RRM1: variants seen among roughly 807,000 people sequenced by gnomAD.
RRM1 encodes ribonucleotide reductase catalytic subunit M1, also known as ribonucleoside-diphosphate reductase large subunit.
RRM1 carries 19 observed loss-of-function variants against 101.5 expected under a neutral mutation model. The observed-to-expected ratio is 0.19, with a 90% CI of 0.13 to 0.27. The LOEUF (loss-of-function observed/expected upper bound fraction) is 0.27, where lower values mean the gene tolerates loss of function less well. Among genes scored for constraint, RRM1 ranks in the 10% least tolerant of loss-of-function variants. The pLI is 1.00. For missense variants in RRM1, 500 were observed against 962.9 expected, an observed-to-expected ratio of 0.52 and a Z score of 6.36; for synonymous variants, 298 against 323.4, an observed-to-expected ratio of 0.92 and a Z score of 0.84.
chr11:4,105,578 CTTTTTT>C (rs55705631), intron 2 of RRM1: 32 of 281,432 alleles, frequency 1.1e-4, no homozygotes, highest in East Asian at 4.1e-4. Flanking sequence ...TTTTTCTTTC[CTTTTTT>C]TTTTTTTTTT....
At chr11:4,123,622 G>A (rs1228059415) in intron 12 of RRM1, among the ~76,000 whole-genome samples, 1 of 152,168 alleles carries the variant, frequency 6.6e-6, no homozygotes, top group African/African-American at 2.4e-5. Flanking sequence ...ACACATCACT[G>A]TAATAACATT....
At chr11:4,136,726 A>G (rs1030209140) in intron 18 of RRM1, among the ~76,000 whole-genome samples, 1 of 89,346 alleles carries the variant, frequency 1.1e-5, no homozygotes, top group Non-Finnish European at 2.5e-5. Flanking sequence ...CCAGCCAGGA[A>G]TGTATTTTTT....
intron 8 of RRM1, 105 bp downstream of exon 8, chr11:4,118,566 T>A: frequency 8.7e-7 from 1 of 1,144,990 alleles, no homozygotes; most frequent in East Asian, 2.4e-5. Context: ...TGGGTCTCTG[T>A]TAAATTACTA....
intron 2 of RRM1, chr11:4,105,513 G>A: frequency 5.2e-6 from 2 of 383,556 alleles, no homozygotes; most frequent in Non-Finnish European, 1.0e-5. Context: ...TTACAGGTGT[G>A]AGCCACTGTG....
chr11:4,124,925 T>TTA (rs2094587227), intron 12 of RRM1, among the ~76,000 whole-genome samples: 1 of 150,338 alleles, frequency 6.7e-6, no homozygotes, highest in Non-Finnish European at 1.5e-5. Context: ...ATTTTATTTT[T>TTA]TTTTTTTTGA....
At chr11:4,116,561 C>G (rs1334049351) in intron 7 of RRM1, among the ~76,000 whole-genome samples, 1 of 152,164 alleles carries the variant, frequency 6.6e-6, no homozygotes, top group East Asian at 1.9e-4. Flanking sequence ...CACTGTACTG[C>G]AGCCTGGGCA....
intron 1 of RRM1, among the ~76,000 whole-genome samples, chr11:4,097,841 G>A (rs1047155721): frequency 6.6e-6 from 1 of 152,200 alleles, no homozygotes; most frequent in Non-Finnish European, 1.5e-5. Flanking sequence ...GCTAAACACT[G>A]TGAGGGCAGT....
In RRM1 at chr11:4,132,554, C is replaced by G; in HGVS notation, c.1905+133C>G. ...CTTTGATAAAGACAGTCATCTTCAT[C>G]TCTAATATTATTATTTGTTATTAAT... On this transcript the variant is annotated intron_variant, in intron 16 of 18. Coordinates refer to ENST00000300738, the MANE Select transcript of RRM1 (RefSeq NM_001033.5). This position sits in a 1 kb window ranked among gnomAD's most constrained non-coding sequence, Gnocchi z 4.1. The G allele has an allele frequency of 1.3e-6, 1 of 759,190 alleles. No individual in the cohort carries two copies. Among genetic ancestry groups the G allele is most frequent in the Non-Finnish European group, 2.1e-6 (1 of 467,338 alleles). 47.0% of individuals were successfully genotyped at this position (759,190 alleles called of 1,614,324 possible).
intron 4 of RRM1, 37 bp from the exon 5 acceptor site, chr11:4,109,602 ATTATT>A (rs757959581): frequency 6.6e-7 from 1 of 1,507,496 alleles, no homozygotes; most frequent in Admixed American, 1.9e-5. Context: ...AAAATAAGTA[ATTATT>A]TTAATTTAAT....
chr11:4,126,873 T>C (rs772102622), intron 13 of RRM1, 40 bp downstream of exon 13: 7 of 1,540,000 alleles, frequency 4.5e-6, no homozygotes, highest in Non-Finnish European at 6.2e-6. Flanking sequence ...ATTATTGAAA[T>C]CCAAATTGAA....
chr11:4,120,809 C>T (rs1475948345), intron 9 of RRM1, among the ~76,000 whole-genome samples: 3 of 152,112 alleles, frequency 2.0e-5, no homozygotes, highest in African/African-American at 7.2e-5. Context: ...AGTTCAAGAC[C>T]ACGAGTTCAA....
chr11:4,126,602 T>C (rs1227187811), intron 12 of RRM1, 82 bp from the exon 13 acceptor site: 1 of 1,299,870 alleles, frequency 7.7e-7, no homozygotes, highest in African/African-American at 1.5e-5. Context: ...GTCTGAGTAT[T>C]AGAGGCTCAC....
At chr11:4,136,219 A>T (rs1416391408) in intron 18 of RRM1, among the ~76,000 whole-genome samples, 4 of 151,946 alleles carry the variant, frequency 2.6e-5, no homozygotes, top group African/African-American at 7.3e-5. Context: ...ATTTTATTTT[A>T]TGTATGTATG....
At chr11:4,102,108 G>A (rs772841851) in intron 2 of RRM1, 27 bp downstream of exon 2, 1 of 1,187,710 alleles carries the variant, frequency 8.4e-7, no homozygotes, top group South Asian at 1.2e-5. Context: ...TTTATCTTGG[G>A]TTCCTTCTTT....
chr11:4,105,857 G>T (rs548645688), intron 2 of RRM1, among the ~76,000 whole-genome samples, 189 bp from the exon 3 acceptor site: 2 of 151,542 alleles, frequency 1.3e-5, no homozygotes, highest in Non-Finnish European at 2.9e-5. Flanking sequence ...GAGCCACAAC[G>T]CCTGGCTTTT....
chr11:4,119,847 T>C lies in RRM1; in HGVS notation c.795T>C (p.Thr265=), dbSNP rs1311639353. The C allele has an allele frequency of 8.8e-6, 14 of 1,590,974 alleles. No homozygotes were observed. Among genetic ancestry groups the C allele is most frequent in the Non-Finnish European group, 1.2e-5 (14 of 1,160,518 alleles). Residue 265 remains threonine (T), a splice_region_variant and synonymous_variant, in exon 9 of 19, where the codon ACT becomes ACC. Coordinates refer to ENST00000300738, the MANE Select transcript of RRM1 (RefSeq NM_001033.5). ...IRATGSYIAG[T]NGNSNGLVPM... The stretch of plus-strand genomic sequence containing the variant: ...TTCTATCATGGTCTCTCTTTTAGAC[T>C]AATGGCAATTCCAATGGCCTTGTAC...
Position 4,132,267 on chromosome 11 carries a change from A to C in RRM1, c.1770-19A>C. 1 of 1,613,904 alleles carries C rather than the reference A, an allele frequency of 6.2e-7. No individual in the cohort carries two copies. The highest frequency in any genetic ancestry group is 1.1e-5 in the South Asian group (1 of 91,062). ...ATTGTAGCTTTGGGACTAGTACCTG[A>C]TAATCTCCTTTTCTTTAGGTATGGT... On this transcript the variant is annotated intron_variant, in intron 15 of 18. Transcript: ENST00000300738. The surrounding 1 kb of genome is among the most constrained non-coding windows in gnomAD (Gnocchi z 4.1).
intron 1 of RRM1, 81 bp downstream of exon 1, chr11:4,095,112 G>GCCCGCCTTCGCTGCTT (rs1182127284): frequency 2.5e-5 from 32 of 1,293,940 alleles, no homozygotes; most frequent in Admixed American, 1.3e-4. Context: ...CAGACCGCCC[G>GCCCGCCTTCGCTGCTT]CCCGCCTTCG....
At position 4,106,816 on chromosome 11, in the gene RRM1, G is replaced by A. The variant is rs73419255; in HGVS notation, c.286+593G>A. ...GTGGGAAAGAGCAGACTACAATTTC[G>A]TATTTCTCCATGCTGCCTATCTGCT... On this transcript the variant is annotated intron_variant, in intron 3 of 18. Transcript: ENST00000300738. Among the ~76,000 whole-genome samples the A allele has an allele frequency of 8.5e-3, 1,298 of 152,198 alleles. 19 individuals carry two copies. Among genetic ancestry groups the A allele is most frequent in the African/African-American group, 0.029 (1,211 of 41,524 alleles).
Sources: allele counts gnomAD v4.1 joint callset (sites outside exome capture counted in the v4.1 genomes callset), GRCh38; gene constraint gnomAD v4.1.1; non-coding constraint Gnocchi (gnomAD v3.1); transcripts MANE v1.5; gene names NCBI Gene and HGNC (gene_info 2026-07-23, HGNC 2026-07-21).